Variants in NPHP4 observed in about 807,000 individuals in gnomAD.
NPHP4 encodes the protein nephrocystin 4, also known as nephrocystin-4.
NPHP4 carries 151 observed loss-of-function variants against 155.8 expected under a neutral mutation model. The ratio of observed to expected loss-of-function variants is 0.97; its 90% confidence interval spans 0.85 to 1.11. NPHP4 has a LOEUF of 1.11. Among genes scored for constraint, NPHP4 ranks in the 50% least tolerant of loss-of-function variants. The probability of loss-of-function intolerance (pLI) is 0.00; values close to 1 mark genes in which losing one functional copy is unlikely to be tolerated. For synonymous variants in NPHP4, 845 were observed against 816.8 expected (o/e 1.03, Z -0.59); for missense variants, 1,956 against 1,925.7 (o/e 1.02, Z -0.29).
chr1:5,912,205 C>T (rs982281663), intron 11 of NPHP4, among the ~76,000 whole-genome samples: 10 of 152,178 alleles, frequency 6.6e-5, no homozygotes, highest in Non-Finnish European at 1.2e-4. Context: ...GGAGACCAGC[C>T]GGTGTGTGCA....
intron 20 of NPHP4, chr1:5,876,122 T>A (rs1018941953): frequency 5.9e-5 from 9 of 152,214 alleles, no homozygotes; most frequent in African/African-American, 2.2e-4. Flanking sequence ...GAAACAGGGA[T>A]AGGGCTGAGA....
Position 5,992,314 on chromosome 1 carries a change from A to C in NPHP4, c.-109T>G, listed in dbSNP as rs1365626947. ...ACGCTTTTCAGAGAGTCTCCACTCG[A>C]CGGACCCAGAGGCCCGGCGGCCGGT... On this transcript the variant is annotated 5_prime_UTR_variant, in exon 1 of 30. Coordinates refer to ENST00000378156, the MANE Select transcript of NPHP4 (RefSeq NM_015102.5). The C allele has an allele frequency of 6.6e-6, 1 of 152,012 alleles. No homozygotes were observed. Among genetic ancestry groups the C allele is most frequent in the Non-Finnish European group, 1.5e-5 (1 of 68,004 alleles). The allele number at this position is 152,012 out of a possible 1,614,324, so 9.4% of individuals were successfully genotyped here. A position where few individuals can be genotyped will look rare whatever the true frequency, so the allele number is the denominator to read the frequency against.
chr1:5,978,168 T>G, intron 3 of NPHP4, 102 bp downstream of exon 3: 1 of 1,088,364 alleles, frequency 9.2e-7, no homozygotes, highest in East Asian at 2.6e-5. Context: ...AGACGCGCTG[T>G]GAGGTCTCGG....
At chr1:5,915,564 G>A (rs906024014) in intron 11 of NPHP4, among the ~76,000 whole-genome samples, 17 of 152,132 alleles carry the variant, frequency 1.1e-4, no homozygotes, top group African/African-American at 3.9e-4. Flanking sequence ...TGATGAGTGA[G>A]CACAGGACTC....
At chr1:5,977,130 C>A (rs76257192) in intron 3 of NPHP4, among the ~76,000 whole-genome samples, 1,984 of 152,262 alleles carry the variant, frequency 0.013, 45 homozygotes, top group African/African-American at 0.043. Flanking sequence ...AAACTCCCCC[C>A]ACTCGAGTTC....
intron 11 of NPHP4, among the ~76,000 whole-genome samples, chr1:5,917,478 C>G (rs938091540): frequency 1.3e-5 from 2 of 152,102 alleles, no homozygotes; most frequent in African/African-American, 4.8e-5. Context: ...CTTTGAGTGC[C>G]GGGATCCAGC....
chr1:5,864,483 C>T lies in NPHP4; in HGVS notation c.3851G>A (p.Arg1284His), dbSNP rs61739637. Residue 1284 changes from arginine to histidine, a missense_variant, in exon 28 of 30, where the codon CGT becomes CAT. Physicochemically the swap from Arg to His is conservative, Grantham distance 29. Transcript: ENST00000378156. Reference protein sequence around the residue: ...DPKGVFVLPPRGVQDLHVGVR... With the variant: ...DPKGVFVLPPHGVQDLHVGVR... The stretch of plus-strand genomic sequence containing the variant: ...GCCAACATGCAGGTCCTGCACCCCA[C>T]GAGGCGGCAGCACGAAGACACCTTT... 1.1e-4 allele frequency: 176 copies of T among 1,595,804 alleles called. 1 individual carries two copies. In the African/African-American group the frequency reaches 2.0e-3, roughly 18 times the overall value.
chr1:5,972,004 G>C (rs114427593), intron 3 of NPHP4, among the ~76,000 whole-genome samples: 1 of 152,146 alleles, frequency 6.6e-6, no homozygotes, highest in Admixed American at 6.5e-5. Context: ...ATTTTGCCTC[G>C]GGGCCCAGTT....
intron 20 of NPHP4, among the ~76,000 whole-genome samples, chr1:5,875,429 A>C (rs1297032240): frequency 2.0e-5 from 3 of 152,220 alleles, no homozygotes; most frequent in Admixed American, 2.0e-4. Context: ...AAACAAGAGA[A>C]AAGAATGGCC....
At chr1:5,931,401 TA>T (rs35255274) in intron 10 of NPHP4, among the ~76,000 whole-genome samples, 49,858 of 132,200 alleles carry the variant, frequency 0.38, 8,926 homozygotes, top group African/African-American at 0.42. Flanking sequence ...AGCATATGTC[TA>T]AAAAAAAAAA....
In NPHP4 at chr1:5,888,477, G is replaced by A. The variant is rs1015785038; in HGVS notation, c.2305-1011C>T. 50 of 1,235,214 alleles carry A rather than the reference G, an allele frequency of 4.0e-5. No individual in the cohort carries two copies. The African/African-American group carries it at 6.8e-4, about 17-fold the overall frequency. 76.5% of individuals were successfully genotyped at this position (1,235,214 alleles called of 1,614,324 possible). A position where few individuals can be genotyped will look rare whatever the true frequency, so the allele number is the denominator to read the frequency against. On this transcript the variant is annotated intron_variant, in intron 17 of 29. Transcript: ENST00000378156. Reference sequence around the variant, plus strand: ...CGCCAGACCTGACCCTTCCCTTGTGGGTCTGGGGGCTTCCGGTCGCCGCAG... The same window carrying A: ...CGCCAGACCTGACCCTTCCCTTGTGAGTCTGGGGGCTTCCGGTCGCCGCAG...
At chr1:5,916,333 T>G (rs1487645627) in intron 11 of NPHP4, among the ~76,000 whole-genome samples, 2 of 152,028 alleles carry the variant, frequency 1.3e-5, no homozygotes, top group Non-Finnish European at 2.9e-5. Flanking sequence ...AGGAACCATA[T>G]AAGTTGGTGA....
At chr1:5,906,349 G>A (rs901317423) in intron 13 of NPHP4, among the ~76,000 whole-genome samples, 9 of 152,242 alleles carry the variant, frequency 5.9e-5, no homozygotes, top group Non-Finnish European at 1.0e-4. Context: ...TCAGAGAGGA[G>A]CTGGCTTGGG....
intron 20 of NPHP4, chr1:5,876,881 C>T (rs989075103): frequency 2.0e-5 from 8 of 403,704 alleles, no homozygotes; most frequent in African/African-American, 2.1e-5. Flanking sequence ...CCAGGGGTGA[C>T]GCCCAAGAAC....
At chr1:5,978,249 G>A (rs1467125029) in intron 3 of NPHP4, 21 bp downstream of exon 3, 17 of 1,596,490 alleles carry the variant, frequency 1.1e-5, no homozygotes, top group Admixed American at 6.9e-5. Context: ...AGCAGCCCCT[G>A]CCACCATCAC....
At chr1:5,937,647 G>A (rs989480487) in intron 9 of NPHP4, among the ~76,000 whole-genome samples, 4 of 152,168 alleles carry the variant, frequency 2.6e-5, no homozygotes, top group Admixed American at 1.3e-4. Context: ...GCCAAGCAGC[G>A]CACTCACGCT....
In NPHP4 at chr1:5,892,482, C is replaced by G. The variant is rs1330794637; in HGVS notation, c.2144-1454G>C. On this transcript the variant is annotated intron_variant, in intron 16 of 29. Transcript: ENST00000378156. This position sits in a 1 kb window ranked among gnomAD's most constrained non-coding sequence, Gnocchi z 4.5. ...CTCCCAGCACTACCCTGTGCAGGGCCTCCCACATGGTGGGGGCGCAGTTAT... is the reference window on the plus strand; with the variant it reads ...CTCCCAGCACTACCCTGTGCAGGGCGTCCCACATGGTGGGGGCGCAGTTAT... 1.3e-5 allele frequency among the ~76,000 whole-genome samples: 2 copies of G among 152,176 alleles called. No homozygotes were observed. Among genetic ancestry groups the G allele is most frequent in the African/African-American group, 4.8e-5 (2 of 41,434 alleles).
chr1:5,939,193 A>G (rs1646698579), intron 9 of NPHP4, among the ~76,000 whole-genome samples: 1 of 152,276 alleles, frequency 6.6e-6, no homozygotes, highest in Admixed American at 6.5e-5. Context: ...TACTGAGTGC[A>G]GTAATTATTT....
chr1:5,946,466 C>T (rs993824200), intron 9 of NPHP4, among the ~76,000 whole-genome samples: 8 of 152,098 alleles, frequency 5.3e-5, no homozygotes, highest in Non-Finnish European at 8.8e-5. Context: ...AAATAATTAG[C>T]GATTCAATAA....
Sources: allele counts gnomAD v4.1 joint callset (sites outside exome capture counted in the v4.1 genomes callset), GRCh38; gene constraint gnomAD v4.1.1; non-coding constraint Gnocchi (gnomAD v3.1); transcripts MANE v1.5; gene names NCBI Gene and HGNC (gene_info 2026-07-23, HGNC 2026-07-21).